The following GDPD5 variants were observed in gnomAD, a reference collection of about 807,000 sequenced individuals.
GDPD5 encodes glycerophosphodiester phosphodiesterase domain containing 5, also known as glycerophosphodiester phosphodiesterase 2.
A neutral mutation model predicts 75.1 loss-of-function variants in GDPD5; 48 were observed. The ratio of observed to expected loss-of-function variants is 0.64; its 90% CI spans 0.51 to 0.81. The LOEUF (loss-of-function observed/expected upper bound fraction) is 0.81. Among genes scored for constraint, GDPD5 ranks in the 40% least tolerant of loss-of-function variants. The pLI is 0.00. For synonymous variants in GDPD5, 336 were observed against 339.0 expected, an observed-to-expected ratio of 0.99 and a Z score of 0.10; for missense variants, 706 against 822.6, an observed-to-expected ratio of 0.86 and a Z score of 1.73.
chr11:75,445,982 G>T (rs1048023593), intron 9 of GDPD5, among the ~76,000 whole-genome samples: 1 of 152,254 alleles, frequency 6.6e-6, no homozygotes, highest in African/African-American at 2.4e-5. Context: ...TGGAGGACAT[G>T]TTACCTGTCT....
At chr11:75,461,572 A>G (rs1240887032) in intron 4 of GDPD5, among the ~76,000 whole-genome samples, 1 of 152,208 alleles carries the variant, frequency 6.6e-6, no homozygotes, top group Admixed American at 6.5e-5. Context: ...CCCAAATGCT[A>G]ACATCATGCT....
rs1054264801 is a variant in GDPD5 at position 75,441,909 on chromosome 11, C to T, written c.1168-106G>A. The T allele has an allele frequency of 2.0e-5, 23 of 1,176,216 alleles. No individual in the cohort carries two copies. In the Admixed American group the frequency reaches 2.3e-4, roughly 12 times the overall value. The allele number at this position is 1,176,216 out of a possible 1,614,324, so 72.9% of individuals were successfully genotyped here. A position where few individuals can be genotyped will look rare whatever the true frequency, so the allele number is the denominator to read the frequency against. ...GGGTTAAGAGACAGGACCTGGCAGG[C>T]GGTGAAAGCTTAGATGAAGTCATTA... On this transcript the variant is annotated intron_variant, in intron 12 of 16. Transcript: ENST00000336898.
At chr11:75,504,227 C>G (rs1471766515) in intron 1 of GDPD5, among the ~76,000 whole-genome samples, 4 of 152,250 alleles carry the variant, frequency 2.6e-5, no homozygotes. Flanking sequence ...CTACTACTCA[C>G]TGCAAGTCTG....
At position 75,504,980 on chromosome 11, in the gene GDPD5, G is replaced by C. The variant is rs374145490; in HGVS notation, c.-144-14660C>G. Among the ~76,000 whole-genome samples, 8 of 152,190 alleles carry C rather than the reference G, an allele frequency of 5.3e-5. No individual in the cohort carries two copies. The South Asian group carries it at 8.3e-4, about 16-fold the overall frequency. ...GTCTCTATTAAAAATACAAAAATTA[G>C]CCGGGTGTGCGCATGCCTGTAATCC... is the stretch of plus-strand genomic sequence containing the variant. On this transcript the variant is annotated intron_variant, in intron 1 of 16. Coordinates refer to ENST00000336898, the MANE Select transcript of GDPD5 (RefSeq NM_030792.8).
intron 1 of GDPD5, among the ~76,000 whole-genome samples, chr11:75,512,628 CT>C (rs2135489705): frequency 6.6e-6 from 1 of 152,230 alleles, no homozygotes; most frequent in Non-Finnish European, 1.5e-5. Flanking sequence ...AGAAAGAAGT[CT>C]TTAGAGCTGG....
Position 75,437,003 on chromosome 11 carries a change from C to A in GDPD5, c.1602G>T (p.Met534Ile). Reference protein sequence around the residue: ...GIRSYNPEQIMLSAAVRRTSR... With the variant: ...GIRSYNPEQIILSAAVRRTSR... The stretch of plus-strand genomic sequence containing the variant: ...TGGTCCGGCGCACCGCAGCACTCAG[C>A]ATGATCTGCTCAGGGTTGTAGCTCC... The change falls in exon 16 of 17, where the codon ATG becomes ATT. Residue 534 changes from methionine (M) to isoleucine (I), a missense_variant. Met to Ile is a conservative substitution (Grantham distance 10). Transcript: ENST00000336898. 6.2e-7 allele frequency: 1 copy of A among 1,613,554 alleles called. No homozygotes were observed.
At chr11:75,451,448 G>C (rs982709911) in intron 6 of GDPD5, 1 of 152,310 alleles carries the variant, frequency 6.6e-6, no homozygotes, top group Non-Finnish European at 1.5e-5. Context: ...GCTGGGTCAC[G>C]GAGCTTTGAA....
intron 1 of GDPD5, among the ~76,000 whole-genome samples, chr11:75,496,015 G>A (rs1950202588): frequency 6.6e-6 from 1 of 152,154 alleles, no homozygotes; most frequent in African/African-American, 2.4e-5. Context: ...ATTTCCTCAG[G>A]GGCAGTGATC....
Position 75,457,755 on chromosome 11 carries a change from C to A in GDPD5, c.253G>T (p.Asp85Tyr). The A allele has an allele frequency of 1.2e-6, 2 of 1,614,050 alleles. No homozygotes were observed. The highest frequency in any genetic ancestry group is 2.2e-5 in the South Asian group (2 of 91,058). ...GTCACAAGGATGGGTACGGGCCAGT[C>A]GCTCCAGTAGCCCATGCGGTTGTAG... is the stretch of plus-strand genomic sequence containing the variant. ...YLYNRMGYWSDWPVPILVTTA... is the reference protein window; with the variant it reads ...YLYNRMGYWSYWPVPILVTTA... Residue 85 changes from aspartate (D) to tyrosine (Y), a missense_variant, in exon 5 of 17, where the codon GAC becomes TAC. Physicochemically the swap from Asp to Tyr is radical, Grantham distance 160 (BLOSUM62 -3). Transcript: ENST00000336898.
chr11:75,453,426 A>T lies in GDPD5; in HGVS notation c.375+3331T>A, dbSNP rs553294457. Among the ~76,000 whole-genome samples, 4 of 152,174 alleles carry T rather than the reference A, an allele frequency of 2.6e-5. No homozygotes were observed. In the South Asian group the frequency reaches 8.3e-4, roughly 32 times the overall value. On this transcript the variant is annotated intron_variant, in intron 6 of 16. Transcript: ENST00000336898. ...GAGGTCAGGAGATCAAGACCACCCT[A>T]GCTAACACGGTGAAACCTCGTCTCT... is the stretch of plus-strand genomic sequence containing the variant.
intron 3 of GDPD5, among the ~76,000 whole-genome samples, chr11:75,470,440 G>A (rs1436657885): frequency 6.6e-6 from 1 of 152,068 alleles, no homozygotes; most frequent in Non-Finnish European, 1.5e-5. Context: ...GATTTAAGAA[G>A]GGTGGCCCAA....
rs144377433 is a variant in GDPD5 at position 75,440,700 on chromosome 11, C to T, written c.1473+463G>A. Reference sequence around the variant, plus strand: ...CCTACCGAGTAGCTAGGACTACAGGCGTGTGCCACCTTGGCCAGCAAATTA... The same window carrying T: ...CCTACCGAGTAGCTAGGACTACAGGTGTGTGCCACCTTGGCCAGCAAATTA... On this transcript the variant is annotated intron_variant, in intron 14 of 16. Transcript: ENST00000336898. Among the ~76,000 whole-genome samples, 17 of 152,242 alleles carry T rather than the reference C, an allele frequency of 1.1e-4. No homozygotes were observed. The South Asian group carries it at 2.3e-3, about 20-fold the overall frequency.
At chr11:75,479,650 A>G (rs1949860566) in intron 2 of GDPD5, among the ~76,000 whole-genome samples, 1 of 152,166 alleles carries the variant, frequency 6.6e-6, no homozygotes, top group Admixed American at 6.5e-5. Flanking sequence ...ATCCCAAAAC[A>G]GTTTCACCAT....
rs930695506 is a variant in GDPD5 at position 75,476,051 on chromosome 11, A to C, written c.117+1568T>G. Among the ~76,000 whole-genome samples the C allele has an allele frequency of 2.0e-5, 3 of 152,120 alleles. No homozygotes were observed. In the South Asian group the frequency reaches 6.2e-4, roughly 32 times the overall value. On this transcript the variant is annotated intron_variant, in intron 3 of 16. Transcript: ENST00000336898. ...TACGCCTTCCCCAGCATCTGCCCTG[A>C]TGGCCAAGGGGCTTCCTGCCTGGGA...
chr11:75,515,608 C>T (rs184170707), intron 1 of GDPD5, among the ~76,000 whole-genome samples: 6 of 152,288 alleles, frequency 3.9e-5, no homozygotes, highest in African/African-American at 1.4e-4. Flanking sequence ...CAGGGCTATC[C>T]CCAGAACTGT....
At chr11:75,477,368 G>A (rs1247745257) in intron 3 of GDPD5, among the ~76,000 whole-genome samples, 1 of 152,250 alleles carries the variant, frequency 6.6e-6, no homozygotes, top group East Asian at 1.9e-4. Flanking sequence ...CCCTTCTAGA[G>A]GAGCCCAACC....
chr11:75,471,265 G>A (rs773517291), intron 3 of GDPD5, among the ~76,000 whole-genome samples: 8 of 152,182 alleles, frequency 5.3e-5, no homozygotes, highest in African/African-American at 1.4e-4. Flanking sequence ...GCCCTGATCC[G>A]GGAGATTTGG....
At chr11:75,444,575 T>C in intron 9 of GDPD5, 80 bp from the exon 10 acceptor site, 1 of 1,098,252 alleles carries the variant, frequency 9.1e-7, no homozygotes, top group Non-Finnish European at 1.4e-6. Context: ...TCTTTCATGT[T>C]GGGAGGCTGG....
At chr11:75,506,198 C>T (rs905707565) in intron 1 of GDPD5, among the ~76,000 whole-genome samples, 42 of 152,190 alleles carry the variant, frequency 2.8e-4, no homozygotes, top group African/African-American at 9.9e-4. Flanking sequence ...CAGACAAAGA[C>T]GTTTTCATCG....
Sources: allele counts gnomAD v4.1 joint callset (sites outside exome capture counted in the v4.1 genomes callset), GRCh38; gene constraint gnomAD v4.1.1; transcripts MANE v1.5; gene names NCBI Gene and HGNC (gene_info 2026-07-23, HGNC 2026-07-21).